GPC5: variants seen among roughly 807,000 people sequenced by gnomAD.
The protein encoded by GPC5 is glypican-5.
A neutral mutation model predicts 53.9 loss-of-function variants in GPC5; 47 were observed. That is an observed-to-expected ratio of 0.87 (90% CI 0.69 to 1.11). The LOEUF is 1.11. GPC5 is among the 50% of genes most tolerant of loss of function. GPC5 has a pLI of 0.00. For missense variants in GPC5, 748 were observed against 713.1 expected (o/e 1.05, Z -0.56); for synonymous variants, 286 against 263.3 (o/e 1.09, Z -0.84).
intron 3 of GPC5, among the ~76,000 whole-genome samples, chr13:91,717,734 T>C (rs1264242458): frequency 6.6e-6 from 1 of 151,940 alleles, no homozygotes; most frequent in Admixed American, 6.6e-5. Flanking sequence ...TTTTTGTATT[T>C]TTAGTAGAGA....
At chr13:91,863,631 G>C (rs1055188208) in intron 5 of GPC5, among the ~76,000 whole-genome samples, 15 of 152,078 alleles carry the variant, frequency 9.9e-5, no homozygotes, top group African/African-American at 3.6e-4. Context: ...AAGGTTTCCT[G>C]CTAGAACTGA....
chr13:91,810,744 A>C (rs2099811083), intron 5 of GPC5, among the ~76,000 whole-genome samples: 1 of 151,932 alleles, frequency 6.6e-6, no homozygotes, highest in South Asian at 2.1e-4. Flanking sequence ...TTAAATCATT[A>C]CTTTAGTTGT....
At chr13:92,128,879 C>T (rs2041721197) in intron 6 of GPC5, among the ~76,000 whole-genome samples, 1 of 152,200 alleles carries the variant, frequency 6.6e-6, no homozygotes, top group African/African-American at 2.4e-5. Flanking sequence ...AGAAGAATTG[C>T]TTGAACTTGG....
intron 7 of GPC5, among the ~76,000 whole-genome samples, chr13:92,336,377 T>C (rs1198738965): frequency 6.6e-6 from 1 of 152,196 alleles, no homozygotes; most frequent in East Asian, 1.9e-4. Context: ...AACACACACA[T>C]ACATTGTAAA....
At chr13:91,550,082 G>A (rs1036837005) in intron 2 of GPC5, among the ~76,000 whole-genome samples, 4 of 152,014 alleles carry the variant, frequency 2.6e-5, no homozygotes, top group East Asian at 1.9e-4. Context: ...CTATCAAATG[G>A]TGAAAAGACA....
At chr13:92,194,843 G>T (rs1328126726) in intron 7 of GPC5, among the ~76,000 whole-genome samples, 7 of 152,168 alleles carry the variant, frequency 4.6e-5, no homozygotes, top group Non-Finnish European at 1.0e-4. Flanking sequence ...GTAATCTAAG[G>T]TAGAGTGAGA....
chr13:91,436,689 G>A (rs1879999452), intron 1 of GPC5, among the ~76,000 whole-genome samples: 1 of 152,208 alleles, frequency 6.6e-6, no homozygotes, highest in Non-Finnish European at 1.5e-5. Flanking sequence ...GAGTTCTGTA[G>A]ATGTCTGTTA....
intron 5 of GPC5, 78 bp downstream of exon 5, chr13:91,756,498 C>T: frequency 1.6e-6 from 2 of 1,252,844 alleles, no homozygotes; most frequent in Non-Finnish European, 2.2e-6. Context: ...GGGATTAATT[C>T]AGTCTTAACT....
At chr13:91,776,447 C>T (rs768083405) in intron 5 of GPC5, among the ~76,000 whole-genome samples, 2 of 152,180 alleles carry the variant, frequency 1.3e-5, no homozygotes, top group Non-Finnish European at 2.9e-5. Context: ...GAGTAGAGAA[C>T]ATTACTACTT....
chr13:91,438,051 A>G (rs1880124203), intron 1 of GPC5, among the ~76,000 whole-genome samples: 2 of 151,960 alleles, frequency 1.3e-5, no homozygotes, highest in African/African-American at 4.8e-5. Flanking sequence ...TGGTTATTCT[A>G]GTTAACCATT....
chr13:92,632,022 C>G (rs1885255783), intron 7 of GPC5, among the ~76,000 whole-genome samples: 1 of 152,046 alleles, frequency 6.6e-6, no homozygotes, highest in South Asian at 2.1e-4. Context: ...TCAACCTGTC[C>G]CTGTTTGGAA....
chr13:92,138,935 CT>C (rs1566452026), intron 6 of GPC5, among the ~76,000 whole-genome samples: 1 of 152,086 alleles, frequency 6.6e-6, no homozygotes, highest in African/African-American at 2.4e-5. Context: ...AAATAACAGA[CT>C]TTTTGCAAAA....
intron 7 of GPC5, among the ~76,000 whole-genome samples, chr13:92,494,053 T>TG (rs1330110576): frequency 4.0e-5 from 3 of 75,818 alleles, no homozygotes; most frequent in African/African-American, 1.1e-4. Context: ...AATTACTTTG[T>TG]GTTTTTTTTT....
chr13:92,542,492 C>T (rs996077815), intron 7 of GPC5, among the ~76,000 whole-genome samples: 2 of 151,874 alleles, frequency 1.3e-5, no homozygotes, highest in Non-Finnish European at 2.9e-5. Flanking sequence ...CATCTCTTAT[C>T]GTTCATCTTT....
chr13:92,345,796 TG>T (rs967836021), intron 7 of GPC5, among the ~76,000 whole-genome samples: 58 of 152,154 alleles, frequency 3.8e-4, no homozygotes, highest in African/African-American at 1.3e-3. Flanking sequence ...TCTCAACTCA[TG>T]GGGAACAATG....
At chr13:91,426,411 G>A (rs1266617297) in intron 1 of GPC5, among the ~76,000 whole-genome samples, 1 of 152,136 alleles carries the variant, frequency 6.6e-6, no homozygotes, top group Non-Finnish European at 1.5e-5. Context: ...TAGGAGAGAT[G>A]TATATATAAA....
At chr13:91,954,368 T>C (rs1272164148) in intron 6 of GPC5, among the ~76,000 whole-genome samples, 2 of 152,190 alleles carry the variant, frequency 1.3e-5, no homozygotes, top group Non-Finnish European at 2.9e-5. Flanking sequence ...CGGTGATATA[T>C]TGAAATAATA....
intron 2 of GPC5, among the ~76,000 whole-genome samples, chr13:91,471,535 T>C (rs1340357044): frequency 6.6e-6 from 1 of 152,166 alleles, no homozygotes; most frequent in African/African-American, 2.4e-5. Flanking sequence ...TGTCAGATGG[T>C]AATAGCATGG....
chr13:92,145,720 A>T (rs774466392), intron 7 of GPC5, among the ~76,000 whole-genome samples: 2 of 152,174 alleles, frequency 1.3e-5, no homozygotes, highest in Non-Finnish European at 2.9e-5. Flanking sequence ...GAAATAATGT[A>T]AATGTTGATG....
Sources: gnomAD v4.1 joint callset for allele counts (sites outside exome capture counted in the v4.1 genomes callset) on GRCh38, gnomAD v4.1.1 for gene constraint, MANE v1.5 for transcripts, NCBI Gene and HGNC (gene_info 2026-07-23, HGNC 2026-07-21) for gene names.